Variants in IGSF3 observed in about 807,000 individuals in gnomAD.
The protein encoded by IGSF3 is immunoglobulin superfamily member 3.
A neutral mutation model predicts 114.4 loss-of-function variants in IGSF3; 23 were observed. That is an observed-to-expected ratio of 0.20 (90% CI 0.14 to 0.28). The LOEUF (loss-of-function observed/expected upper bound fraction) is 0.28, where lower values mean the gene tolerates loss of function less well. Ranked by LOEUF, IGSF3 falls within the 10% of genes least tolerant of loss-of-function variation. IGSF3 has a pLI of 1.00. For missense variants in IGSF3, 1,172 were observed against 1,591.5 expected (o/e 0.74, Z 4.48); for synonymous variants, 571 against 645.2 (o/e 0.88, Z 1.74).
rs1248446061 is a variant in IGSF3 at position 116,577,742 on chromosome 1, C to T, written c.3335-180G>A. On this transcript the variant is annotated intron_variant, in intron 10 of 10. Transcript: ENST00000369486. This position sits in a 1 kb window ranked among gnomAD's most constrained non-coding sequence, Gnocchi z 5.7. The stretch of plus-strand genomic sequence containing the variant: ...GACCCTTATATTCTTTTTCTCGCAA[C>T]ACCTCTCCTAATTTACGGCTGTATG... Among the ~76,000 whole-genome samples the T allele has an allele frequency of 6.6e-6, 1 of 152,162 alleles. No homozygotes were observed. The highest frequency in any genetic ancestry group is 2.4e-5 in the African/African-American group (1 of 41,428).
chr1:116,660,027 G>A lies in IGSF3; in HGVS notation c.43+6257C>T, dbSNP rs186550927. On this transcript the variant is annotated intron_variant, in intron 2 of 10. Transcript: ENST00000369486. Reference sequence around the variant, plus strand: ...TGGGACTGCTTCCTCCAGTTCCCAGGCTGGGGCTCAGCAGCAGTGGCCTGG... The same window carrying A: ...TGGGACTGCTTCCTCCAGTTCCCAGACTGGGGCTCAGCAGCAGTGGCCTGG... Among the ~76,000 whole-genome samples, 528 of 152,300 alleles carry A rather than the reference G, an allele frequency of 3.5e-3. 3 individuals carry two copies. The highest frequency in any genetic ancestry group is 0.012 in the African/African-American group (509 of 41,570).
chr1:116,658,767 C>T (rs1310449148), intron 2 of IGSF3, among the ~76,000 whole-genome samples: 1 of 152,226 alleles, frequency 6.6e-6, no homozygotes, highest in African/African-American at 2.4e-5. Flanking sequence ...TTCACTCCTC[C>T]TGCTAAACTG....
intron 2 of IGSF3, among the ~76,000 whole-genome samples, chr1:116,659,933 A>G (rs1239159518): frequency 6.6e-6 from 1 of 151,886 alleles, no homozygotes; most frequent in Non-Finnish European, 1.5e-5. Context: ...AGCTAAAAAT[A>G]TTAATCAAGG....
Position 116,594,919 on chromosome 1 carries a change from G to A in IGSF3, c.2029+5022C>T, listed in dbSNP as rs1482889099. Reference sequence around the variant, plus strand: ...TTCCCTCCTCACGCCCCCTGCCCCCGTTCATGCCCTGTGCTGGCTCTGCCT... The same window carrying A: ...TTCCCTCCTCACGCCCCCTGCCCCCATTCATGCCCTGTGCTGGCTCTGCCT... On this transcript the variant is annotated intron_variant, in intron 7 of 10. Transcript: ENST00000369486. This position sits in a 1 kb window ranked among gnomAD's most constrained non-coding sequence, Gnocchi z 5.2. Among the ~76,000 whole-genome samples the A allele has an allele frequency of 1.4e-5, 2 of 140,300 alleles. No individual in the cohort carries two copies. Among genetic ancestry groups the A allele is most frequent in the Admixed American group, 7.0e-5 (1 of 14,246 alleles). 92.0% of individuals were successfully genotyped at this position (140,300 alleles called of 152,430 possible). A position where few individuals can be genotyped will look rare whatever the true frequency, so the allele number is the denominator to read the frequency against.
At chr1:116,659,109 G>T (rs1456185617) in intron 2 of IGSF3, among the ~76,000 whole-genome samples, 3 of 152,108 alleles carry the variant, frequency 2.0e-5, no homozygotes, top group Non-Finnish European at 4.4e-5. Context: ...CTTAATCTTT[G>T]ATTTAGGATC....
chr1:116,624,036 G>A lies in IGSF3; in HGVS notation c.44-7579C>T, dbSNP rs1270949905. On this transcript the variant is annotated intron_variant, in intron 2 of 10. Transcript: ENST00000369486. The surrounding 1 kb of genome is among the most constrained non-coding windows in gnomAD (Gnocchi z 4.9). ...CAGCAGGTGGAGGTTGCAGTGAGCC[G>A]AGATCATGTCATTGCACTGTGGGCT... 7.3e-5 allele frequency among the ~76,000 whole-genome samples: 11 copies of A among 150,466 alleles called. No homozygotes were observed. Among genetic ancestry groups the A allele is most frequent in the African/African-American group, 1.2e-4 (5 of 40,410 alleles).
rs781513541 is a variant in IGSF3 at position 116,585,103 on chromosome 1, G to A, written c.2441-51C>T. 3.1e-4 allele frequency: 438 copies of A among 1,408,692 alleles called. 1 individual carries two copies. Among genetic ancestry groups the A allele is most frequent in the Non-Finnish European group, 3.9e-4 (414 of 1,048,120 alleles). The allele number at this position is 1,408,692 out of a possible 1,614,324, so 87.3% of individuals were successfully genotyped here. On this transcript the variant is annotated intron_variant, in intron 8 of 10. Coordinates refer to ENST00000369486, the MANE Select transcript of IGSF3 (RefSeq NM_001007237.3). This position sits in a 1 kb window ranked among gnomAD's most constrained non-coding sequence, Gnocchi z 4.9. Reference sequence around the variant, plus strand: ...GCGACAAAAGGACAACAAGCAATTCGTACGCACCCTTTCCCAGGGTAGGTG... The same window carrying A: ...GCGACAAAAGGACAACAAGCAATTCATACGCACCCTTTCCCAGGGTAGGTG...
rs1424380771 is a variant in IGSF3, at chr1:116,627,788, C to T, written c.44-11331G>A. On this transcript the variant is annotated intron_variant, in intron 2 of 10. Transcript: ENST00000369486. This position sits in a 1 kb window ranked among gnomAD's most constrained non-coding sequence, Gnocchi z 4.7. ...GCTGTGTCCTTCAACACAGTGTCCC[C>T]ACCTTCTGTCTCCCAACACTAGGCC... Among the ~76,000 whole-genome samples the T allele has an allele frequency of 1.3e-5, 2 of 152,178 alleles. No homozygotes were observed. The highest frequency in any genetic ancestry group is 2.4e-5 in the African/African-American group (1 of 41,440).
At chr1:116,602,769 G>C (rs1021786932) in intron 6 of IGSF3, among the ~76,000 whole-genome samples, 2 of 152,172 alleles carry the variant, frequency 1.3e-5, no homozygotes, top group African/African-American at 4.8e-5. Context: ...AGGAAGACCT[G>C]ATATAACAAG....
At position 116,584,626 on chromosome 1, in the gene IGSF3, T is replaced by C; in HGVS notation, c.2848+19A>G. The C allele has an allele frequency of 6.2e-7, 1 of 1,613,594 alleles. No individual in the cohort carries two copies. Among genetic ancestry groups the C allele is most frequent in the Non-Finnish European group, 8.5e-7 (1 of 1,179,550 alleles). The stretch of plus-strand genomic sequence containing the variant: ...GGAAACACCAGAGGGAGTGGAAGCT[T>C]GGGGACGTGGACCCTCACCTGGTCG... On this transcript the variant is annotated intron_variant, in intron 9 of 10. Coordinates refer to ENST00000369486, the MANE Select transcript of IGSF3 (RefSeq NM_001007237.3). This position sits in a 1 kb window ranked among gnomAD's most constrained non-coding sequence, Gnocchi z 5.8.
At chr1:116,622,612 T>C (rs1399617087) in intron 2 of IGSF3, among the ~76,000 whole-genome samples, 3 of 152,220 alleles carry the variant, frequency 2.0e-5, no homozygotes, top group African/African-American at 4.8e-5. Flanking sequence ...TTTTTTTAAA[T>C]AAGCAAGTAT....
chr1:116,659,992 G>A lies in IGSF3; in HGVS notation c.43+6292C>T, dbSNP rs180780582. 1.8e-3 allele frequency among the ~76,000 whole-genome samples: 276 copies of A among 152,272 alleles called. 4 individuals are homozygous for A. Among genetic ancestry groups the A allele is most frequent in the African/African-American group, 6.4e-3 (267 of 41,554 alleles). ...ACACCCAAAGCCAGGGACCACGAGA[G>A]GTCAGCAACTGGGACTGCTTCCTCC... On this transcript the variant is annotated intron_variant, in intron 2 of 10. Coordinates refer to ENST00000369486, the MANE Select transcript of IGSF3 (RefSeq NM_001007237.3).
intron 2 of IGSF3, among the ~76,000 whole-genome samples, chr1:116,666,012 G>C (rs1463086298): frequency 6.6e-6 from 1 of 152,174 alleles, no homozygotes; most frequent in Non-Finnish European, 1.5e-5. Context: ...CTAAACCACA[G>C]ATGTGCAGAT....
intron 8 of IGSF3, among the ~76,000 whole-genome samples, chr1:116,586,255 T>G (rs1659839154): frequency 6.6e-6 from 1 of 152,196 alleles, no homozygotes; most frequent in Admixed American, 6.5e-5. Flanking sequence ...TAACAAAATA[T>G]ATTTTAAATA....
chr1:116,578,549 CG>C (rs1659454652), intron 10 of IGSF3, among the ~76,000 whole-genome samples: 1 of 152,222 alleles, frequency 6.6e-6, no homozygotes, highest in South Asian at 2.1e-4. Context: ...AATGTGAGCA[CG>C]GGGTGATCAA....
chr1:116,656,249 A>G (rs139324137), intron 2 of IGSF3, among the ~76,000 whole-genome samples: 7,001 of 149,702 alleles, frequency 0.047, 535 homozygotes, highest in African/African-American at 0.16. Context: ...GTCAATAAGG[A>G]GCATAGACAA....
chr1:116,597,440 AG>A (rs1660388466), intron 7 of IGSF3, among the ~76,000 whole-genome samples: 1 of 152,228 alleles, frequency 6.6e-6, no homozygotes, highest in Non-Finnish European at 1.5e-5. Context: ...GTAACACTTA[AG>A]GGGATGCACT....
chr1:116,608,068 G>T lies in IGSF3; in HGVS notation c.1096C>A (p.Leu366Ile). 6.2e-7 allele frequency: 1 copy of T among 1,613,918 alleles called. No individual in the cohort carries two copies. Among genetic ancestry groups the T allele is most frequent in the South Asian group, 1.1e-5 (1 of 91,072 alleles). ...TATTTCCCGCTATCTTCCTGGCGGAGGTGGTAGATCTTCAGCACAAAGACA... is the reference window on the plus strand; with the variant it reads ...TATTTCCCGCTATCTTCCTGGCGGATGTGGTAGATCTTCAGCACAAAGACA... ...DSVFVLKIYH[L>I]RQEDSGKYNC... is the part of the protein sequence containing the mutation. Residue 366 changes from leucine to isoleucine, a missense_variant, in exon 5 of 11, where the codon CTC becomes ATC. Physicochemically the swap from Leu to Ile is conservative, Grantham distance 5. Around this residue, in one of 3 missense-constraint regions of IGSF3, gnomAD observed 736 missense variants for 1,042.0 expected, o/e 0.71. Transcript: ENST00000369486.
intron 2 of IGSF3, among the ~76,000 whole-genome samples, chr1:116,631,724 C>T (rs895031961): frequency 1.3e-5 from 2 of 152,200 alleles, no homozygotes; most frequent in African/African-American, 4.8e-5. Context: ...AACCAACTCT[C>T]TAGACCATCC....
Sources: allele counts gnomAD v4.1 joint callset (sites outside exome capture counted in the v4.1 genomes callset), GRCh38; gene constraint gnomAD v4.1.1; regional missense constraint gnomAD v4.1.1; non-coding constraint Gnocchi (gnomAD v3.1); transcripts MANE v1.5; gene names NCBI Gene and HGNC (gene_info 2026-07-23, HGNC 2026-07-21).